Variants in TMTC2 observed in about 807,000 individuals in gnomAD.
TMTC2 encodes protein O-mannosyl-transferase TMTC2.
Under a neutral mutation model 82.4 loss-of-function variants are expected in TMTC2, and 43 were observed. The observed-to-expected ratio is 0.52, with a 90% confidence interval of 0.41 to 0.67. TMTC2 has a LOEUF of 0.67. Ranked by LOEUF, TMTC2 falls within the 30% of genes least tolerant of loss-of-function variation. The pLI, the probability that TMTC2 is intolerant of heterozygous loss-of-function variation, is 0.00. For synonymous variants in TMTC2, 408 were observed against 381.9 expected, an observed-to-expected ratio of 1.07 and a Z score of -0.80; for missense variants, 919 against 1,012.4, an observed-to-expected ratio of 0.91 and a Z score of 1.25.
chr12:83,099,006 A>G (rs982199684), intron 11 of TMTC2, among the ~76,000 whole-genome samples: 1 of 152,242 alleles, frequency 6.6e-6, no homozygotes, highest in Non-Finnish European at 1.5e-5. Flanking sequence ...TGGATATATC[A>G]TAGCCTTTTA....
chr12:82,779,036 C>CAA (rs1196960733), intron 1 of TMTC2, among the ~76,000 whole-genome samples: 10 of 75,144 alleles, frequency 1.3e-4, no homozygotes, highest in Non-Finnish European at 2.2e-4. Context: ...GACTCCATAT[C>CAA]AAAAAAAAAA....
At chr12:82,980,667 G>A (rs967437869) in intron 7 of TMTC2, among the ~76,000 whole-genome samples, 1 of 151,754 alleles carries the variant, frequency 6.6e-6, no homozygotes. Flanking sequence ...CCCCCCATGA[G>A]CTTGTCTGGC....
intron 1 of TMTC2, among the ~76,000 whole-genome samples, chr12:82,715,289 AAAAAG>A (rs1212709338): frequency 6.6e-6 from 1 of 151,916 alleles, no homozygotes; most frequent in Non-Finnish European, 1.5e-5. Flanking sequence ...AAAAAAAACA[AAAAAG>A]AAAAGGCATA....
At chr12:82,828,360 T>C (rs1019808001) in intron 1 of TMTC2, among the ~76,000 whole-genome samples, 1 of 151,980 alleles carries the variant, frequency 6.6e-6, no homozygotes, top group African/African-American at 2.4e-5. Flanking sequence ...ACCACATGCA[T>C]GTACCACCAT....
chr12:83,040,679 CTTTTTTT>C (rs750327519), intron 9 of TMTC2, among the ~76,000 whole-genome samples: 3 of 124,204 alleles, frequency 2.4e-5, no homozygotes, highest in Admixed American at 8.6e-5. Context: ...CTGTCCTTTT[CTTTTTTT>C]TTTTTTTTTT....
chr12:82,901,310 C>G (rs867996626), intron 3 of TMTC2, among the ~76,000 whole-genome samples: 1 of 99,662 alleles, frequency 1.0e-5, no homozygotes, highest in Admixed American at 1.0e-4. Context: ...ATTTTTTTTT[C>G]TTTTTTTTTT....
intron 1 of TMTC2, among the ~76,000 whole-genome samples, chr12:82,697,254 G>C (rs1872852951): frequency 1.4e-5 from 2 of 146,986 alleles, no homozygotes; most frequent in South Asian, 4.3e-4. Flanking sequence ...TGAGGCAGGG[G>C]AATTGCTTGA....
chr12:82,711,924 G>T (rs545456920), intron 1 of TMTC2, among the ~76,000 whole-genome samples: 11 of 152,322 alleles, frequency 7.2e-5, no homozygotes, highest in African/African-American at 2.6e-4. Context: ...TCCTCTTAGA[G>T]AGAAGTGAAT....
intron 1 of TMTC2, among the ~76,000 whole-genome samples, chr12:82,817,344 A>AT (rs1027461421): frequency 1.3e-5 from 2 of 151,842 alleles, no homozygotes; most frequent in African/African-American, 4.8e-5. Flanking sequence ...AGTATCTAAG[A>AT]TTTTTTCTAC....
Position 82,985,976 on chromosome 12 carries a change from T to C in TMTC2, c.2000T>C (p.Met667Thr). ...SKLPEAEHWY[M>T]ESLRSKTDHI... Reference sequence around the variant, plus strand: ...CTCCCCGAAGCAGAGCATTGGTATATGGAATCACTGAGATCCAAGACTGAC... The same window carrying C: ...CTCCCCGAAGCAGAGCATTGGTATACGGAATCACTGAGATCCAAGACTGAC... Residue 667 changes from methionine (M) to threonine (T), a missense_variant, in exon 8 of 12, where the codon ATG becomes ACG. Coordinates refer to ENST00000321196, the MANE Select transcript of TMTC2 (RefSeq NM_152588.3). 1 of 1,614,056 alleles carries C rather than the reference T, an allele frequency of 6.2e-7. No homozygotes were observed. Among genetic ancestry groups the C allele is most frequent in the Non-Finnish European group, 8.5e-7 (1 of 1,179,942 alleles).
intron 7 of TMTC2, 117 bp downstream of exon 7, chr12:82,967,114 G>A (rs551639900): frequency 3.4e-5 from 25 of 736,730 alleles, no homozygotes; most frequent in African/African-American, 2.2e-4. Context: ...CAAAAGAAAC[G>A]TTCACAATCT....
At chr12:83,045,922 G>A in intron 9 of TMTC2, among the ~76,000 whole-genome samples, 1 of 151,994 alleles carries the variant, frequency 6.6e-6, no homozygotes, top group Non-Finnish European at 1.5e-5. Context: ...TGTGCGAGTG[G>A]GGAGAAGTAA....
At position 82,852,916 on chromosome 12, in the gene TMTC2, T is replaced by TA. The variant is rs1372933282; in HGVS notation, c.84-4093dup. Among the ~76,000 whole-genome samples the TA allele has an allele frequency of 2.6e-5, 4 of 152,316 alleles. No homozygotes were observed. In the East Asian group the frequency reaches 7.7e-4, roughly 29 times the overall value. Reference sequence around the variant, plus strand: ...TAGTCTTCCATATTTTTTATCATAATATTCATTGGTTAAATAAAATCCTAC... The same window carrying TA: ...TAGTCTTCCATATTTTTTATCATAATAATTCATTGGTTAAATAAAATCCTAC... On this transcript the variant is annotated intron_variant, in intron 1 of 11. Transcript: ENST00000321196.
At chr12:83,106,994 A>G (rs1884427941) in intron 11 of TMTC2, among the ~76,000 whole-genome samples, 1 of 152,188 alleles carries the variant, frequency 6.6e-6, no homozygotes, top group Non-Finnish European at 1.5e-5. Flanking sequence ...ATGTAAATAA[A>G]CCTTGTGTAA....
chr12:82,937,742 G>GGA (rs1230819115), intron 4 of TMTC2, among the ~76,000 whole-genome samples: 5,297 of 34,306 alleles, frequency 0.15, 310 homozygotes, highest in Admixed American at 0.27. Flanking sequence ...GTGTGTGTGT[G>GGA]TGTGTGTGTA....
intron 1 of TMTC2, among the ~76,000 whole-genome samples, chr12:82,835,858 G>A (rs960058032): frequency 5.9e-5 from 9 of 152,120 alleles, no homozygotes; most frequent in South Asian, 4.2e-4. Flanking sequence ...ATAAACCTCC[G>A]CATGGTCCAG....
intron 4 of TMTC2, among the ~76,000 whole-genome samples, chr12:82,930,998 T>C (rs773569592): frequency 7.2e-5 from 11 of 152,148 alleles, no homozygotes; most frequent in Non-Finnish European, 1.5e-4. Context: ...AGCCTCAAAC[T>C]CCTGAGCTCA....
At chr12:82,994,381 T>G (rs2137353814) in intron 8 of TMTC2, among the ~76,000 whole-genome samples, 1 of 152,204 alleles carries the variant, frequency 6.6e-6, no homozygotes, top group South Asian at 2.1e-4. Flanking sequence ...TCTGCCCACC[T>G]CGGCCTCCCA....
chr12:82,857,123 G>A lies in TMTC2; in HGVS notation c.197G>A (p.Arg66Gln), dbSNP rs747714516. 4 of 1,613,998 alleles carry A rather than the reference G, an allele frequency of 2.5e-6. No individual in the cohort carries two copies. The Admixed American group carries it at 5.0e-5, about 20-fold the overall frequency. Residue 66 changes from arginine to glutamine, a missense_variant, in exon 2 of 12, where the codon CGG becomes CAG. Physicochemically the swap from Arg to Gln is conservative, Grantham distance 43. Transcript: ENST00000321196. ...CACAGTGGCAGCCACAAGTCCTACCGGCCACTCTGCACTCTTTCTTTTCGC... is the reference window on the plus strand; with the variant it reads ...CACAGTGGCAGCCACAAGTCCTACCAGCCACTCTGCACTCTTTCTTTTCGC... Reference protein sequence around the residue: ...LTHSGSHKSYRPLCTLSFRLN... With the variant: ...LTHSGSHKSYQPLCTLSFRLN...
Sources: gnomAD v4.1 joint callset for allele counts (sites outside exome capture counted in the v4.1 genomes callset) on GRCh38, gnomAD v4.1.1 for gene constraint, MANE v1.5 for transcripts, NCBI Gene and HGNC (gene_info 2026-07-23, HGNC 2026-07-21) for gene names.